DOCK1: variants seen among roughly 807,000 people sequenced by gnomAD.
The protein encoded by DOCK1 is dedicator of cytokinesis 1, also known as dedicator of cytokinesis protein 1.
In DOCK1, 138 loss-of-function variants were observed where a neutral mutation model predicts 262.7. The ratio of observed to expected loss-of-function variants is 0.53; its 90% CI spans 0.46 to 0.61. DOCK1 has a LOEUF of 0.61. DOCK1 is among the 20% of genes least tolerant of loss of function. DOCK1 has a pLI of 0.00. For synonymous variants in DOCK1, 866 were observed against 867.4 expected, an observed-to-expected ratio of 1.00 and a Z score of 0.03; for missense variants, 1,908 against 2,370.7, an observed-to-expected ratio of 0.80 and a Z score of 4.05.
chr10:127,137,415 G>A (rs922406733), intron 27 of DOCK1: 12 of 155,538 alleles, frequency 7.7e-5, no homozygotes, highest in African/African-American at 1.4e-4. Flanking sequence ...GAAGTCCTTC[G>A]CAAACATAAG....
rs780986950 is a variant in DOCK1, at chr10:127,052,737, A to C, written c.2258A>C (p.Asn753Thr). The C allele has an allele frequency of 6.2e-7, 1 of 1,613,922 alleles. No individual in the cohort carries two copies. The highest frequency in any genetic ancestry group is 1.7e-5 in the Admixed American group (1 of 60,004). ...GACGGTGCTGAGAAGCCGGGAGTAAATGAGCAGCTGTACAAAGCCATGAAA... is the reference window on the plus strand; with the variant it reads ...GACGGTGCTGAGAAGCCGGGAGTAACTGAGCAGCTGTACAAAGCCATGAAA... ...YVDGAEKPGV[N>T]EQLYKAMKAL... The change falls in exon 22 of 52, where the codon AAT becomes ACT. Residue 753 changes from asparagine to threonine, a missense_variant. Physicochemically the swap from Asn to Thr is moderately conservative, Grantham distance 65. Coordinates refer to ENST00000623213, the MANE Select transcript of DOCK1 (RefSeq NM_001290223.2).
intron 24 of DOCK1, 115 bp from the exon 25 acceptor site, chr10:127,110,133 T>G: frequency 3.7e-6 from 3 of 812,680 alleles, no homozygotes; most frequent in East Asian, 5.3e-5. Flanking sequence ...GAGGCTGTGT[T>G]GAACATACTG....
chr10:127,119,130 G>A (rs1050814634), intron 25 of DOCK1, among the ~76,000 whole-genome samples: 2 of 151,300 alleles, frequency 1.3e-5, no homozygotes, highest in East Asian at 2.0e-4. Context: ...TGCAAGCTCC[G>A]TCTCCCAGGT....
chr10:127,135,458 A>G (rs1301475158), intron 27 of DOCK1: 1 of 152,690 alleles, frequency 6.5e-6, no homozygotes, highest in Non-Finnish European at 1.5e-5. Flanking sequence ...TTAAAAATTA[A>G]TAAAGAACTT....
At chr10:127,064,175 G>A (rs1324791982) in intron 23 of DOCK1, among the ~76,000 whole-genome samples, 2 of 152,152 alleles carry the variant, frequency 1.3e-5, no homozygotes, top group Non-Finnish European at 2.9e-5. Flanking sequence ...TGTGGCCCTC[G>A]TTGGTACCAA....
chr10:127,280,639 A>G (rs1257604278), intron 29 of DOCK1, among the ~76,000 whole-genome samples: 1 of 152,196 alleles, frequency 6.6e-6, no homozygotes, highest in Non-Finnish European at 1.5e-5. Context: ...AATTCTGGGC[A>G]TAGATCAGAA....
At chr10:127,018,648 G>A (rs980102581) in intron 12 of DOCK1, 62 bp from the exon 13 acceptor site, 3 of 1,609,552 alleles carry the variant, frequency 1.9e-6, no homozygotes, top group Non-Finnish European at 2.5e-6. Flanking sequence ...AATTGGTTTC[G>A]TGAAAACTTC....
At chr10:127,125,331 G>A in intron 25 of DOCK1, 143 bp from the exon 26 acceptor site, 1 of 1,096,688 alleles carries the variant, frequency 9.1e-7, no homozygotes, top group East Asian at 2.6e-5. Flanking sequence ...TCACAGTCAA[G>A]TAATTGACCC....
chr10:127,393,202 G>T (rs953776067), intron 38 of DOCK1, among the ~76,000 whole-genome samples: 44 of 152,240 alleles, frequency 2.9e-4, no homozygotes, highest in African/African-American at 9.6e-4. Flanking sequence ...ATGTATTGGG[G>T]TAAGGAGACT....
In DOCK1 at chr10:127,305,951, A is replaced by G. The variant is rs79441879; in HGVS notation, c.3045-33055A>G. Among the ~76,000 whole-genome samples the G allele has an allele frequency of 3.6e-3, 537 of 149,938 alleles. 1 individual carries two copies. The highest frequency in any genetic ancestry group is 0.011 in the African/African-American group (467 of 40,622). On this transcript the variant is annotated intron_variant, in intron 29 of 51. Transcript: ENST00000623213. ...TGTGGCATCTATGCATTTAAATATT[A>G]TTATTAGAGGCTGAGGGTTTTATAT...
intron 29 of DOCK1, among the ~76,000 whole-genome samples, chr10:127,322,258 C>T (rs2062567419): frequency 2.0e-5 from 3 of 148,842 alleles, no homozygotes; most frequent in Admixed American, 2.0e-4. Flanking sequence ...GGTGTGATCT[C>T]GGCTCACTGC....
At chr10:127,414,840 C>G (rs1365240025) in intron 43 of DOCK1, among the ~76,000 whole-genome samples, 1 of 152,178 alleles carries the variant, frequency 6.6e-6, no homozygotes, top group African/African-American at 2.4e-5. Context: ...GAGGGGCTCC[C>G]CATACCTCAT....
intron 33 of DOCK1, among the ~76,000 whole-genome samples, chr10:127,364,463 T>G (rs962869900): frequency 6.6e-6 from 1 of 152,018 alleles, no homozygotes; most frequent in African/African-American, 2.4e-5. Flanking sequence ...ACATCCCGGG[T>G]TCAAGTGATT....
At chr10:127,080,306 A>C (rs2136003790) in intron 23 of DOCK1, among the ~76,000 whole-genome samples, 1 of 152,236 alleles carries the variant, frequency 6.6e-6, no homozygotes, top group Middle Eastern at 3.4e-3. Context: ...TATCATGCTA[A>C]GCTGGGTTGA....
rs989487238 is a variant in DOCK1, at chr10:126,958,939, T to C, written c.47-11763T>C. ...GAACATGTGCCCCAGGCGGTCGGGG[T>C]GCAGCTTGATTTTATACATTTTAGA... On this transcript the variant is annotated intron_variant, in intron 1 of 51. Transcript: ENST00000623213. Among the ~76,000 whole-genome samples, 204 of 152,154 alleles carry C rather than the reference T, an allele frequency of 1.3e-3. 1 individual carries two copies. The highest frequency in any genetic ancestry group is 3.0e-3 in the Admixed American group (46 of 15,280).
intron 38 of DOCK1, among the ~76,000 whole-genome samples, chr10:127,389,763 C>T (rs544866068): frequency 6.6e-6 from 1 of 152,114 alleles, no homozygotes; most frequent in African/African-American, 2.4e-5. Flanking sequence ...TGCCTGTAAT[C>T]CCAGCACTTC....
At chr10:127,083,131 A>C (rs556852412) in intron 23 of DOCK1, among the ~76,000 whole-genome samples, 1 of 152,322 alleles carries the variant, frequency 6.6e-6, no homozygotes, top group African/African-American at 2.4e-5. Context: ...CATGTTGGCA[A>C]ATGTCATTTG....
chr10:127,279,090 C>T lies in DOCK1; in HGVS notation c.3044+21661C>T, dbSNP rs1488835525. On this transcript the variant is annotated intron_variant, in intron 29 of 51. Coordinates refer to ENST00000623213, the MANE Select transcript of DOCK1 (RefSeq NM_001290223.2). ...GTTAATTAATAATTTTCCAGTGTAG[C>T]GTTTCCTATCAGGGGGTGTGAATCC... 6.6e-5 allele frequency among the ~76,000 whole-genome samples: 10 copies of T among 152,186 alleles called. No homozygotes were observed. The South Asian group carries it at 8.3e-4, about 13-fold the overall frequency.
At chr10:126,943,843 G>A (rs2035196533) in intron 1 of DOCK1, among the ~76,000 whole-genome samples, 1 of 152,116 alleles carries the variant, frequency 6.6e-6, no homozygotes, top group African/African-American at 2.4e-5. Flanking sequence ...GTGCAAGAGT[G>A]CACAGACCAC....
Sources: allele counts gnomAD v4.1 joint callset (sites outside exome capture counted in the v4.1 genomes callset), GRCh38; gene constraint gnomAD v4.1.1; transcripts MANE v1.5; gene names NCBI Gene and HGNC (gene_info 2026-07-23, HGNC 2026-07-21).